The following EYS variants were observed in gnomAD, a reference collection of about 807,000 sequenced individuals.
EYS encodes EGF-like photoreceptor maintenance factor, also known as protein eyes shut homolog.
In EYS, 250 loss-of-function variants were observed where a neutral mutation model predicts 282.1. That is an observed-to-expected ratio of 0.89 (90% CI 0.80 to 0.98). The LOEUF (loss-of-function observed/expected upper bound fraction) is 0.98, where lower values mean the gene tolerates loss of function less well. Ranked by LOEUF, EYS falls within the 50% of genes least tolerant of loss-of-function variation. EYS has a pLI of 0.00. For synonymous variants in EYS, 1,355 were observed against 1,282.9 expected, an observed-to-expected ratio of 1.06 and a Z score of -1.20; for missense variants, 4,016 against 3,709.0, an observed-to-expected ratio of 1.08 and a Z score of -2.15.
At chr6:64,544,649 G>C (rs541279985) in intron 26 of EYS, among the ~76,000 whole-genome samples, 13 of 152,092 alleles carry the variant, frequency 8.5e-5, no homozygotes, top group Non-Finnish European at 1.8e-4. Flanking sequence ...AGAAAAGAGA[G>C]AAGAATCAAA....
Position 65,427,868 on chromosome 6 carries a change from T to C in EYS, c.863-22501A>G, listed in dbSNP as rs1767722866. 3.9e-5 allele frequency among the ~76,000 whole-genome samples: 6 copies of C among 152,086 alleles called. No individual in the cohort carries two copies. In the South Asian group the frequency reaches 1.2e-3, roughly 31 times the overall value. On this transcript the variant is annotated intron_variant, in intron 5 of 42. Transcript: ENST00000503581. ...AGAGAAAGCAGGAGATTCAAAATTA[T>C]ATATTTAGGATGCTTCCACATATAG... is the stretch of plus-strand genomic sequence containing the variant.
Position 65,120,167 on chromosome 6 carries a change from C to CAAAAA in EYS, c.2024-62445_2024-62441dup, listed in dbSNP as rs1448265867. ...ACTCCGTCTCAAAAAAAAAAAAAAA[C>CAAAAA]AAAAACAAATTTAAAAAAAACCCCA... is the stretch of plus-strand genomic sequence containing the variant. On this transcript the variant is annotated intron_variant, in intron 12 of 42. Transcript: ENST00000503581. Among the ~76,000 whole-genome samples the CAAAAA allele has an allele frequency of 1.6e-5, 2 of 126,022 alleles. 1 individual carries two copies. The highest frequency in any genetic ancestry group is 1.6e-4 in the Admixed American group (2 of 12,366). The allele number at this position is 126,022 out of a possible 152,430, so 82.7% of individuals were successfully genotyped here.
chr6:64,652,461 C>G (rs544719880), intron 22 of EYS, among the ~76,000 whole-genome samples: 1 of 152,114 alleles, frequency 6.6e-6, no homozygotes, highest in South Asian at 2.1e-4. Flanking sequence ...ATGGAAACCT[C>G]AGTCCTACAA....
At chr6:64,071,649 CT>C in intron 32 of EYS, among the ~76,000 whole-genome samples, 1 of 146,264 alleles carries the variant, frequency 6.8e-6, no homozygotes. Context: ...TTAGGTATAT[CT>C]CCTAATTAGG....
At chr6:63,949,868 A>G (rs1468398224) in intron 35 of EYS, among the ~76,000 whole-genome samples, 2 of 152,204 alleles carry the variant, frequency 1.3e-5, no homozygotes, top group African/African-American at 4.8e-5. Flanking sequence ...AACCAGTCTC[A>G]TCAGCATTAA....
chr6:65,576,032 A>T (rs1018240206), intron 2 of EYS, among the ~76,000 whole-genome samples: 6 of 152,002 alleles, frequency 3.9e-5, no homozygotes, highest in Admixed American at 1.3e-4. Context: ...TTCTTCTCAA[A>T]CTCCTCCAAA....
chr6:65,453,686 C>A (rs185052271), intron 5 of EYS, among the ~76,000 whole-genome samples: 5 of 151,986 alleles, frequency 3.3e-5, no homozygotes, highest in African/African-American at 4.8e-5. Flanking sequence ...TCCCCTCCCC[C>A]CTACAGTCTC....
At chr6:64,524,620 A>T (rs1250841655) in intron 26 of EYS, among the ~76,000 whole-genome samples, 1 of 151,838 alleles carries the variant, frequency 6.6e-6, no homozygotes, top group Non-Finnish European at 1.5e-5. Context: ...TTTTCCATTT[A>T]AGTTTTACTC....
chr6:65,471,225 T>C (rs1391769609), intron 5 of EYS, among the ~76,000 whole-genome samples: 3 of 106,894 alleles, frequency 2.8e-5, no homozygotes, highest in Non-Finnish European at 6.2e-5. Flanking sequence ...AGACCTCATC[T>C]TTACAAAAAA....
At chr6:65,510,299 G>T (rs1242446866) in intron 2 of EYS, among the ~76,000 whole-genome samples, 1 of 151,018 alleles carries the variant, frequency 6.6e-6, no homozygotes, top group Non-Finnish European at 1.5e-5. Flanking sequence ...AGTTTACTGA[G>T]AATGATGATT....
intron 15 of EYS, among the ~76,000 whole-genome samples, chr6:64,942,965 C>G (rs1482681210): frequency 6.6e-6 from 1 of 151,896 alleles, no homozygotes; most frequent in Non-Finnish European, 1.5e-5. Context: ...CCTTATGACC[C>G]TCAACAAAAT....
At chr6:65,635,386 T>C (rs1767049850) in intron 2 of EYS, among the ~76,000 whole-genome samples, 1 of 152,198 alleles carries the variant, frequency 6.6e-6, no homozygotes, top group Admixed American at 6.5e-5. Flanking sequence ...AGATCTGATT[T>C]AACCACCCCG....
intron 28 of EYS, among the ~76,000 whole-genome samples, chr6:64,429,904 A>G (rs1561990439): frequency 6.6e-6 from 1 of 152,236 alleles, no homozygotes; most frequent in East Asian, 1.9e-4. Flanking sequence ...TAAAATCAGT[A>G]TTCCATGGTC....
intron 31 of EYS, among the ~76,000 whole-genome samples, chr6:64,114,297 G>A (rs955509630): frequency 6.6e-6 from 1 of 151,650 alleles, no homozygotes; most frequent in Non-Finnish European, 1.5e-5. Flanking sequence ...TTTATTTCTG[G>A]TGTTTATTGT....
chr6:64,305,917 A>G (rs1388949020), intron 30 of EYS, among the ~76,000 whole-genome samples: 4 of 152,166 alleles, frequency 2.6e-5, no homozygotes, highest in African/African-American at 9.7e-5. Flanking sequence ...TTGTGCATCA[A>G]AATATATTAA....
chr6:64,794,928 TA>T (rs1774307553), intron 22 of EYS, among the ~76,000 whole-genome samples: 1 of 152,098 alleles, frequency 6.6e-6, no homozygotes, highest in Admixed American at 6.5e-5. Context: ...ACATTTATAC[TA>T]CAGGGATAGA....
intron 11 of EYS, among the ~76,000 whole-genome samples, chr6:65,315,124 A>G (rs1460786403): frequency 6.6e-6 from 1 of 152,054 alleles, no homozygotes; most frequent in Non-Finnish European, 1.5e-5. Context: ...GAAAATCACC[A>G]GTTGTCTGCT....
At chr6:64,597,248 C>A (rs1287631531) in intron 24 of EYS, among the ~76,000 whole-genome samples, 1 of 152,104 alleles carries the variant, frequency 6.6e-6, no homozygotes, top group Non-Finnish European at 1.5e-5. Context: ...GAAAAGGGAA[C>A]CCTTATATGC....
intron 26 of EYS, among the ~76,000 whole-genome samples, chr6:64,572,788 A>G (rs922608625): frequency 6.6e-6 from 1 of 152,244 alleles, no homozygotes; most frequent in Admixed American, 6.5e-5. Flanking sequence ...AAACAAATGG[A>G]AAAACATTCC....
Sources: allele counts gnomAD v4.1 joint callset (sites outside exome capture counted in the v4.1 genomes callset), GRCh38; gene constraint gnomAD v4.1.1; transcripts MANE v1.5; gene names NCBI Gene and HGNC (gene_info 2026-07-23, HGNC 2026-07-21).